Variants in DMD observed in about 807,000 individuals in gnomAD.
DMD encodes the protein mutant dystrophin.
In DMD, 63 loss-of-function variants were observed where a neutral mutation model predicts 330.1. The ratio of observed to expected loss-of-function variants is 0.19; its 90% CI spans 0.16 to 0.24. The LOEUF (loss-of-function observed/expected upper bound fraction) is 0.24. DMD is among the 10% of genes least tolerant of loss of function. DMD has a pLI of 1.00. For missense variants in DMD, 3,344 were observed against 2,684.1 expected, an observed-to-expected ratio of 1.25 and a Z score of -5.43; for synonymous variants, 1,223 against 959.8, an observed-to-expected ratio of 1.27 and a Z score of -5.07.
At chrX:32,564,812 C>G (rs1239100369) in intron 16 of DMD, among the ~76,000 whole-genome samples, 1 of 111,213 alleles carries the variant, frequency 9.0e-6, no homozygotes, top group African/African-American at 3.3e-5. Flanking sequence ...GATGTCAGGT[C>G]TCAAGAAAAC....
chrX:31,374,155 T>G (rs2059755488), intron 60 of DMD, among the ~76,000 whole-genome samples: 1 of 77,585 alleles, frequency 1.3e-5, no homozygotes, highest in African/African-American at 5.8e-5. Context: ...TGGCGGTCAT[T>G]AAAAAGTCAG....
chrX:31,235,329 A>G (rs2047619209), intron 63 of DMD, among the ~76,000 whole-genome samples: 1 of 112,562 alleles, frequency 8.9e-6, no homozygotes, highest in African/African-American at 3.2e-5. Context: ...TTCCTACATA[A>G]GCCATGTTAC....
intron 30 of DMD, among the ~76,000 whole-genome samples, chrX:32,401,210 T>C (rs1230377491): frequency 6.7e-5 from 7 of 103,710 alleles, no homozygotes; most frequent in East Asian, 3.2e-4. Context: ...AGGGATAGCA[T>C]TGGGAGATAT....
intron 1 of DMD, among the ~76,000 whole-genome samples, chrX:33,288,162 T>C (rs746773178): frequency 8.9e-6 from 1 of 111,839 alleles, no homozygotes; most frequent in African/African-American, 3.2e-5. Context: ...GTTCAAATTC[T>C]TTCGAAGTGG....
intron 34 of DMD, among the ~76,000 whole-genome samples, chrX:32,367,050 C>T (rs2097857059): frequency 2.7e-5 from 3 of 111,908 alleles, no homozygotes; most frequent in South Asian, 3.7e-4. Context: ...CTATTATATG[C>T]CAGTTACTAC....
intron 62 of DMD, among the ~76,000 whole-genome samples, chrX:31,267,133 AAG>A (rs1304196057): frequency 1.2e-4 from 13 of 110,064 alleles, no homozygotes; most frequent in African/African-American, 9.9e-5. Context: ...GAAAGAAAGA[AAG>A]AGGATGGGGA....
intron 55 of DMD, among the ~76,000 whole-genome samples, chrX:31,583,181 GT>G (rs748666048): frequency 8.9e-6 from 1 of 112,245 alleles, no homozygotes; most frequent in Non-Finnish European, 1.9e-5. Flanking sequence ...AGTTGCAGAT[GT>G]CAATGTAGAA....
chrX:31,922,726 C>T (rs1293501421), intron 47 of DMD, among the ~76,000 whole-genome samples: 7 of 111,384 alleles, frequency 6.3e-5, no homozygotes, highest in East Asian at 5.7e-4. Context: ...ACGATTGTTA[C>T]GATTTGAGAG....
chrX:31,830,820 C>G (rs1043958889), intron 49 of DMD, among the ~76,000 whole-genome samples: 3 of 111,259 alleles, frequency 2.7e-5, no homozygotes, highest in African/African-American at 9.8e-5. Flanking sequence ...AGACACAAGG[C>G]CACCCCATGG....
intron 29 of DMD, 66 bp from the exon 30 acceptor site, chrX:32,411,979 C>G (rs761664038): frequency 1.7e-6 from 2 of 1,192,071 alleles, no homozygotes; most frequent in South Asian, 3.6e-5. Context: ...TGTAATCCTG[C>G]TGAACAATAA....
intron 9 of DMD, among the ~76,000 whole-genome samples, chrX:32,691,753 T>C (rs1466588605): frequency 9.0e-6 from 1 of 111,222 alleles, no homozygotes. Context: ...TGTGGAAACA[T>C]CCTCAGTGTC....
chrX:31,121,880 T>C lies in DMD; in HGVS notation c.*39A>G. On this transcript the variant is annotated 3_prime_UTR_variant, in exon 79 of 79. Coordinates refer to ENST00000357033, the MANE Select transcript of DMD (RefSeq NM_004006.3). ...GTCATGACTGATACTAAGGACTCCA[T>C]CGCTCTGCCCAAATCATCTGCCATG... 1 of 1,209,531 alleles carries C rather than the reference T, an allele frequency of 8.3e-7. No individual in the cohort carries two copies. Among genetic ancestry groups the C allele is most frequent in the African/African-American group, 1.7e-5 (1 of 57,808 alleles).
chrX:31,276,418 C>T lies in DMD; in HGVS notation c.9225-15402G>A, dbSNP rs188773910. ...GGTTATGAAAATTTTGCTATGCATA[C>T]CCACCAGAATGAGCAAGACAAACAA... is the stretch of plus-strand genomic sequence containing the variant. On this transcript the variant is annotated intron_variant, in intron 62 of 78. Transcript: ENST00000357033. Among the ~76,000 whole-genome samples, 394 of 111,598 alleles carry T rather than the reference C, an allele frequency of 3.5e-3. 1 individual carries two copies. Among genetic ancestry groups the T allele is most frequent in the Non-Finnish European group, 5.3e-3 (282 of 53,164 alleles).
At chrX:32,083,918 T>A (rs1272982624) in intron 44 of DMD, among the ~76,000 whole-genome samples, 1 of 112,861 alleles carries the variant, frequency 8.9e-6, no homozygotes, top group African/African-American at 3.2e-5. Flanking sequence ...AATATATGCA[T>A]AATCATCTGG....
upstream of DMD, among the ~76,000 whole-genome samples, chrX:33,212,927 T>C (rs956422133): frequency 1.8e-5 from 2 of 111,690 alleles, no homozygotes; most frequent in East Asian, 5.6e-4. Context: ...TGTCCCTCTA[T>C]GCTGTGAGGT....
chrX:31,291,777 C>T (rs890671401), intron 62 of DMD, among the ~76,000 whole-genome samples: 1 of 110,613 alleles, frequency 9.0e-6, no homozygotes, highest in African/African-American at 3.3e-5. Flanking sequence ...CAGAATAATC[C>T]ACATACCAAA....
At chrX:33,202,621 T>C (rs2051340273) in intron 1 of DMD, among the ~76,000 whole-genome samples, 1 of 112,053 alleles carries the variant, frequency 8.9e-6, no homozygotes, top group Non-Finnish European at 1.9e-5. Flanking sequence ...TAATCCTTTT[T>C]GCCTCACTGC....
intron 63 of DMD, among the ~76,000 whole-genome samples, chrX:31,250,440 G>T (rs780130187): frequency 9.0e-6 from 1 of 111,499 alleles, no homozygotes; most frequent in South Asian, 3.8e-4. Context: ...ACATTAAACC[G>T]CATAAATAAC....
chrX:32,041,436 G>A lies in DMD; in HGVS notation c.6439-72922C>T, dbSNP rs1185691343. 2.7e-5 allele frequency among the ~76,000 whole-genome samples: 3 copies of A among 112,226 alleles called. No homozygotes were observed. The Admixed American group carries it at 2.8e-4, about 11-fold the overall frequency. On this transcript the variant is annotated intron_variant, in intron 44 of 78. Coordinates refer to ENST00000357033, the MANE Select transcript of DMD (RefSeq NM_004006.3). ...AGAGCCCATATGGCATCTGTGGCTT[G>A]AGACATAAGTATCATCAGCCACAGT... is the stretch of plus-strand genomic sequence containing the variant.
Sources: gnomAD v4.1 joint callset for allele counts (sites outside exome capture counted in the v4.1 genomes callset) on GRCh38, gnomAD v4.1.1 for gene constraint, MANE v1.5 for transcripts, NCBI Gene and HGNC (gene_info 2026-07-23, HGNC 2026-07-21) for gene names.